The following SBF2 variants were observed in gnomAD, a reference collection of about 807,000 sequenced individuals.
SBF2 encodes myotubularin-related protein 13.
SBF2 carries 112 observed loss-of-function variants against 225.2 expected under a neutral mutation model. That is an observed-to-expected ratio of 0.50 (90% CI 0.43 to 0.58). The LOEUF is 0.58. Among genes scored for constraint, SBF2 ranks in the 20% least tolerant of loss-of-function variants. The pLI, the probability that SBF2 is intolerant of heterozygous loss-of-function variation, is 0.00. For synonymous variants in SBF2, 763 were observed against 773.3 expected (o/e 0.99, Z 0.22); for missense variants, 1,996 against 2,206.2 (o/e 0.90, Z 1.91).
At chr11:10,056,138 C>T (rs1950250786) in intron 2 of SBF2, among the ~76,000 whole-genome samples, 1 of 152,230 alleles carries the variant, frequency 6.6e-6, no homozygotes, top group Non-Finnish European at 1.5e-5. Context: ...GTTTTGGTCA[C>T]TGTAGCCTTG....
intron 8 of SBF2, among the ~76,000 whole-genome samples, chr11:9,999,281 GTA>G (rs1947842005): frequency 3.2e-5 from 1 of 31,576 alleles, no homozygotes; most frequent in African/African-American, 1.1e-4. Context: ...TCCAGTGACT[GTA>G]TGTATGTATG....
chr11:10,283,437 T>C (rs1963543255), intron 1 of SBF2, among the ~76,000 whole-genome samples: 1 of 152,170 alleles, frequency 6.6e-6, no homozygotes, highest in Non-Finnish European at 1.5e-5. Flanking sequence ...ATTTACATTC[T>C]AGCTTGTCTC....
At chr11:9,906,086 A>G (rs1862093713) in intron 16 of SBF2, among the ~76,000 whole-genome samples, 1 of 152,180 alleles carries the variant, frequency 6.6e-6, no homozygotes, top group African/African-American at 2.4e-5. Context: ...TTCCTGACTT[A>G]TTCCTCACCC....
At chr11:9,997,605 T>C (rs959749746) in intron 9 of SBF2, among the ~76,000 whole-genome samples, 6 of 151,972 alleles carry the variant, frequency 3.9e-5, no homozygotes, top group African/African-American at 1.2e-4. Context: ...AGTGAAACCC[T>C]GTCTCTACTA....
intron 2 of SBF2, among the ~76,000 whole-genome samples, chr11:10,073,202 G>C (rs890426034): frequency 6.6e-6 from 1 of 152,008 alleles, no homozygotes; most frequent in African/African-American, 2.4e-5. Flanking sequence ...AATCAATAAA[G>C]GCTTATCTGA....
At chr11:9,984,402 T>C (rs1947102859) in intron 13 of SBF2, among the ~76,000 whole-genome samples, 1 of 152,014 alleles carries the variant, frequency 6.6e-6, no homozygotes, top group Non-Finnish European at 1.5e-5. Context: ...TAAGAAAATA[T>C]GAACAAAGCC....
chr11:10,234,720 T>A (rs1275954914), intron 1 of SBF2, among the ~76,000 whole-genome samples: 2 of 152,214 alleles, frequency 1.3e-5, no homozygotes, highest in African/African-American at 4.8e-5. Flanking sequence ...ATCTTCAAAT[T>A]CAGGTCACAA....
intron 16 of SBF2, among the ~76,000 whole-genome samples, chr11:9,912,355 G>A (rs999482712): frequency 6.0e-5 from 9 of 151,208 alleles, no homozygotes; most frequent in Non-Finnish European, 4.4e-5. Flanking sequence ...GGAAGGCTAA[G>A]GCAGGCGAAT....
At chr11:9,882,959 C>A (rs1859947708) in intron 17 of SBF2, among the ~76,000 whole-genome samples, 3 of 152,040 alleles carry the variant, frequency 2.0e-5, no homozygotes, top group Non-Finnish European at 4.4e-5. Flanking sequence ...ATCTATTAGC[C>A]TGGGCAACAT....
intron 1 of SBF2, among the ~76,000 whole-genome samples, chr11:10,258,724 T>C (rs1412608724): frequency 6.6e-6 from 1 of 152,202 alleles, no homozygotes; most frequent in Non-Finnish European, 1.5e-5. Flanking sequence ...CTGAGATAAC[T>C]GGACAGAATA....
chr11:10,295,885 G>A (rs1964514390), upstream of SBF2, among the ~76,000 whole-genome samples: 1 of 151,988 alleles, frequency 6.6e-6, no homozygotes. Flanking sequence ...TCTAAAAATA[G>A]GGCAAAATTC....
chr11:10,154,145 C>T (rs1955355638), intron 2 of SBF2, among the ~76,000 whole-genome samples: 1 of 149,766 alleles, frequency 6.7e-6, no homozygotes, highest in African/African-American at 2.4e-5. Flanking sequence ...GTTGTTTTGC[C>T]TAGTGTAGGT....
intron 1 of SBF2, among the ~76,000 whole-genome samples, chr11:10,232,918 C>A (rs1958915156): frequency 6.6e-6 from 1 of 152,146 alleles, no homozygotes; most frequent in African/African-American, 2.4e-5. Flanking sequence ...AAGTTGTTAT[C>A]TCTGATAGGG....
chr11:10,004,604 A>G (rs78742391), intron 6 of SBF2, among the ~76,000 whole-genome samples: 2 of 141,388 alleles, frequency 1.4e-5, no homozygotes, highest in African/African-American at 5.2e-5. Flanking sequence ...AACAAACTAC[A>G]TACCTCCCAT....
intron 1 of SBF2, among the ~76,000 whole-genome samples, chr11:10,196,292 A>G (rs1240963247): frequency 6.6e-6 from 1 of 152,170 alleles, no homozygotes; most frequent in East Asian, 1.9e-4. Context: ...AAATTAATGT[A>G]CTTATTCTAT....
At chr11:10,224,575 C>T (rs1958466553) in intron 1 of SBF2, among the ~76,000 whole-genome samples, 2 of 152,116 alleles carry the variant, frequency 1.3e-5, no homozygotes, top group African/African-American at 4.8e-5. Flanking sequence ...ACAGAAGCAT[C>T]CTTTCAATTC....
chr11:9,783,256 T>C (rs1217418793), intron 38 of SBF2: 2 of 152,232 alleles, frequency 1.3e-5, no homozygotes, highest in African/African-American at 4.8e-5. Flanking sequence ...TCCATTTGTA[T>C]ATTTGAACAT....
chr11:9,812,500 G>C, intron 30 of SBF2, 32 bp downstream of exon 30: 1 of 1,610,242 alleles, frequency 6.2e-7, no homozygotes, highest in South Asian at 1.1e-5. Context: ...GTTTCTTTGA[G>C]TTATAAAGAA....
At chr11:10,153,505 TTG>T (rs1388795006) in intron 2 of SBF2, among the ~76,000 whole-genome samples, 1 of 152,100 alleles carries the variant, frequency 6.6e-6, no homozygotes, top group East Asian at 1.9e-4. Context: ...TTAATAAAGT[TTG>T]TGAGATGCAG....
Sources: allele counts gnomAD v4.1 joint callset (sites outside exome capture counted in the v4.1 genomes callset), GRCh38; gene constraint gnomAD v4.1.1; transcripts MANE v1.5; gene names NCBI Gene and HGNC (gene_info 2026-07-23, HGNC 2026-07-21).